Variants in CLSTN2 observed in about 807,000 individuals in gnomAD.
The protein encoded by CLSTN2 is calsyntenin 2.
Under a neutral mutation model 101.2 loss-of-function variants are expected in CLSTN2, and 48 were observed. The observed-to-expected ratio is 0.47, with a 90% CI of 0.38 to 0.60. The LOEUF is 0.60. CLSTN2 is among the 20% of genes least tolerant of loss of function. The pLI, the probability that CLSTN2 is intolerant of heterozygous loss-of-function variation, is 0.00. For synonymous variants in CLSTN2, 481 were observed against 463.6 expected, an observed-to-expected ratio of 1.04 and a Z score of -0.48; for missense variants, 1,160 against 1,238.2, an observed-to-expected ratio of 0.94 and a Z score of 0.95.
chr3:140,124,256 G>T (rs2009393937), intron 1 of CLSTN2, among the ~76,000 whole-genome samples: 1 of 152,128 alleles, frequency 6.6e-6, no homozygotes, highest in African/African-American at 2.4e-5. Flanking sequence ...TAGGCAATGA[G>T]CTGGAGAGGA....
intron 1 of CLSTN2, among the ~76,000 whole-genome samples, chr3:139,964,684 A>G (rs982288683): frequency 4.6e-5 from 7 of 152,144 alleles, no homozygotes; most frequent in Non-Finnish European, 8.8e-5. Context: ...GGGTACATGA[A>G]CAATGAACAT....
chr3:140,523,491 G>A (rs1004082905), intron 8 of CLSTN2, among the ~76,000 whole-genome samples: 4 of 152,060 alleles, frequency 2.6e-5, no homozygotes, highest in African/African-American at 9.7e-5. Flanking sequence ...TGTTGTTAAT[G>A]TTATATTATA....
intron 2 of CLSTN2, among the ~76,000 whole-genome samples, chr3:140,308,380 G>GC (rs1184659259): frequency 1.3e-5 from 2 of 152,194 alleles, no homozygotes; most frequent in African/African-American, 4.8e-5. Context: ...AAGGAAGGTA[G>GC]CATTGGTAAA....
At chr3:140,230,864 C>T (rs902139003) in intron 2 of CLSTN2, among the ~76,000 whole-genome samples, 2 of 152,016 alleles carry the variant, frequency 1.3e-5, no homozygotes, top group Non-Finnish European at 2.9e-5. Flanking sequence ...CCAAAGCACT[C>T]CTTCATTATA....
chr3:140,442,788 TA>T (rs1272356644), intron 5 of CLSTN2, among the ~76,000 whole-genome samples: 3 of 152,158 alleles, frequency 2.0e-5, no homozygotes, highest in Non-Finnish European at 4.4e-5. Context: ...GCCCTGGGAT[TA>T]AATCCAAACC....
At chr3:140,502,594 TGAGA>T (rs1934601615) in intron 8 of CLSTN2, among the ~76,000 whole-genome samples, 1 of 152,232 alleles carries the variant, frequency 6.6e-6, no homozygotes, top group Non-Finnish European at 1.5e-5. Flanking sequence ...TTCAAAATAC[TGAGA>T]GAATCAGAAA....
At position 140,264,930 on chromosome 3, in the gene CLSTN2, G is replaced by T. The variant is rs561761681; in HGVS notation, c.232+88857G>T. Among the ~76,000 whole-genome samples the T allele has an allele frequency of 2.6e-5, 4 of 152,218 alleles. No individual in the cohort carries two copies. In the South Asian group the frequency reaches 8.3e-4, roughly 32 times the overall value. ...GATCTTGGGATTATAGAAATGATGT[G>T]CACAGGTCTCTGCCCTGAAGGAGCT... On this transcript the variant is annotated intron_variant, in intron 2 of 16. Transcript: ENST00000458420.
chr3:139,983,122 A>G (rs539930455), intron 1 of CLSTN2, among the ~76,000 whole-genome samples: 2 of 130,752 alleles, frequency 1.5e-5, no homozygotes, highest in South Asian at 5.4e-4. Context: ...GTCTTCCTCT[A>G]ATCTGGTATT....
intron 8 of CLSTN2, among the ~76,000 whole-genome samples, chr3:140,499,218 G>T (rs1291978957): frequency 1.3e-5 from 2 of 152,114 alleles, no homozygotes; most frequent in African/African-American, 4.8e-5. Context: ...AACCCACTAT[G>T]GAGCCCTTAC....
At chr3:140,098,451 G>C (rs961104865) in intron 1 of CLSTN2, among the ~76,000 whole-genome samples, 1 of 152,196 alleles carries the variant, frequency 6.6e-6, no homozygotes, top group Admixed American at 6.5e-5. Flanking sequence ...TTTCTCACCA[G>C]CTGTCACTGT....
At chr3:140,372,216 C>T (rs1035891670) in intron 2 of CLSTN2, among the ~76,000 whole-genome samples, 1 of 152,150 alleles carries the variant, frequency 6.6e-6, no homozygotes, top group Admixed American at 6.5e-5. Flanking sequence ...AGTCTGCTTC[C>T]TCAGAGCATC....
intron 1 of CLSTN2, among the ~76,000 whole-genome samples, chr3:139,957,260 A>T (rs1436453169): frequency 6.6e-6 from 1 of 151,582 alleles, no homozygotes; most frequent in Non-Finnish European, 1.5e-5. Flanking sequence ...AAATCAGGTG[A>T]TTCACCCCTC....
At chr3:140,118,271 C>T (rs999158423) in intron 1 of CLSTN2, among the ~76,000 whole-genome samples, 2 of 152,004 alleles carry the variant, frequency 1.3e-5, no homozygotes, top group African/African-American at 4.8e-5. Context: ...TTTAAAGCCA[C>T]CCAGTCTGTG....
chr3:140,337,055 G>A (rs78876031), intron 2 of CLSTN2, among the ~76,000 whole-genome samples: 1,811 of 152,314 alleles, frequency 0.012, 15 homozygotes, highest in Non-Finnish European at 0.017. Flanking sequence ...ATGCTCAGCA[G>A]GCTGGATTAC....
intron 2 of CLSTN2, among the ~76,000 whole-genome samples, chr3:140,236,434 G>C (rs540149730): frequency 2.0e-4 from 30 of 152,078 alleles, no homozygotes; most frequent in Non-Finnish European, 3.8e-4. Context: ...TTGGTTTTCA[G>C]CAAGTTGATT....
At chr3:140,418,717 C>T (rs1359452791) in intron 4 of CLSTN2, among the ~76,000 whole-genome samples, 1 of 151,962 alleles carries the variant, frequency 6.6e-6, no homozygotes, top group Non-Finnish European at 1.5e-5. Context: ...AGGGTTTCAC[C>T]TTGTTGGTCA....
chr3:140,162,060 A>G (rs1178929479), intron 1 of CLSTN2, among the ~76,000 whole-genome samples: 1 of 152,186 alleles, frequency 6.6e-6, no homozygotes, highest in Non-Finnish European at 1.5e-5. Flanking sequence ...CATTTTTGCA[A>G]TTATCTTTAA....
At chr3:140,064,487 A>C (rs993651486) in intron 1 of CLSTN2, among the ~76,000 whole-genome samples, 6 of 152,260 alleles carry the variant, frequency 3.9e-5, no homozygotes, top group Non-Finnish European at 8.8e-5. Context: ...GAAAGAAAAA[A>C]AGCATAGCTT....
chr3:140,062,864 GC>G (rs1374328898), intron 1 of CLSTN2, among the ~76,000 whole-genome samples: 1 of 152,160 alleles, frequency 6.6e-6, no homozygotes, highest in Non-Finnish European at 1.5e-5. Flanking sequence ...GGTCTCTGTA[GC>G]AGTCTGATGA....
Sources: gnomAD v4.1 joint callset for allele counts (sites outside exome capture counted in the v4.1 genomes callset) on GRCh38, gnomAD v4.1.1 for gene constraint, MANE v1.5 for transcripts, NCBI Gene and HGNC (gene_info 2026-07-23, HGNC 2026-07-21) for gene names.